Variants in MYBL2 observed in about 807,000 individuals in gnomAD.
MYBL2 encodes myb-related protein B.
A neutral mutation model predicts 79.9 loss-of-function variants in MYBL2; 28 were observed. The observed-to-expected ratio is 0.35, with a 90% CI of 0.26 to 0.48. The LOEUF (loss-of-function observed/expected upper bound fraction) is 0.48, where lower values mean the gene tolerates loss of function less well. MYBL2 is among the 20% of genes least tolerant of loss of function. The pLI, the probability that MYBL2 is intolerant of heterozygous loss-of-function variation, is 0.99. For missense variants in MYBL2, 735 were observed against 893.9 expected (o/e 0.82, Z 2.27); for synonymous variants, 378 against 361.2 (o/e 1.05, Z -0.53).
intron 1 of MYBL2, chr20:43,673,588 G>C (rs1287678989): frequency 1.6e-6 from 1 of 619,834 alleles, no homozygotes; most frequent in Non-Finnish European, 3.0e-6. Flanking sequence ...AGTGAGCTAC[G>C]ATCATGCCAC....
rs2229036 is a variant in MYBL2 at position 43,692,241 on chromosome 20, C to T, written c.585C>T (p.Asp195=). The T allele has an allele frequency of 0.047, 75,421 of 1,614,134 alleles. 1,957 individuals are homozygous for T. The highest frequency in any genetic ancestry group is 0.087 in the Middle Eastern group (527 of 6,062). ...GAGGCTTCTTGAGCGAGTCCAAAGA[C>T]TGCAAGCCCCCAGTGTACTTGCTGC... ...DTGGFLSESK[D]CKPPVYLLLE... Residue 195 remains aspartate, a synonymous_variant, in exon 6 of 14, where the codon GAC becomes GAT. Coordinates refer to ENST00000217026, the MANE Select transcript of MYBL2 (RefSeq NM_002466.4).
Position 43,687,411 on chromosome 20 carries a change from G to A in MYBL2, c.500+339G>A, listed in dbSNP as rs530412553. 2.0e-5 allele frequency among the ~76,000 whole-genome samples: 3 copies of A among 152,200 alleles called. No homozygotes were observed. The South Asian group carries it at 6.2e-4, about 32-fold the overall frequency. On this transcript the variant is annotated intron_variant, in intron 5 of 13. Transcript: ENST00000217026. ...TTCAGTTTCTTCTAACACAGAATAGGCTTGAGATGTGGGATAGATGGGCTT... is the reference window on the plus strand; with the variant it reads ...TTCAGTTTCTTCTAACACAGAATAGACTTGAGATGTGGGATAGATGGGCTT...
chr20:43,684,732 G>A (rs1987227069), intron 4 of MYBL2, among the ~76,000 whole-genome samples: 1 of 151,690 alleles, frequency 6.6e-6, no homozygotes, highest in Non-Finnish European at 1.5e-5. Context: ...CTGTAGTTGG[G>A]AGGCTGAGTT....
chr20:43,712,941 G>C, intron 11 of MYBL2, 61 bp from the exon 12 acceptor site: 2 of 1,334,060 alleles, frequency 1.5e-6, no homozygotes, highest in Middle Eastern at 2.3e-4. Flanking sequence ...TGACCATCCA[G>C]GTGCTGACCA....
chr20:43,678,821 C>A lies in MYBL2; in HGVS notation c.115-2963C>A, dbSNP rs1221673788. 3.6e-5 allele frequency among the ~76,000 whole-genome samples: 5 copies of A among 138,014 alleles called. No homozygotes were observed. The Admixed American group carries it at 4.0e-4, about 11-fold the overall frequency. 90.5% of individuals were successfully genotyped at this position (138,014 alleles called of 152,430 possible). ...GCAGTGAGCTGAGATCGCACCATTG[C>A]ACTCCAGCCTGGACAACAAGAGCAA... On this transcript the variant is annotated intron_variant, in intron 2 of 13. Coordinates refer to ENST00000217026, the MANE Select transcript of MYBL2 (RefSeq NM_002466.4).
At chr20:43,692,106 G>A (rs1385918878) in intron 5 of MYBL2, 51 bp from the exon 6 acceptor site, 1 of 1,588,368 alleles carries the variant, frequency 6.3e-7, no homozygotes, top group Admixed American at 1.7e-5. Flanking sequence ...GTGCCTGATG[G>A]CACCCCACCC....
At chr20:43,675,227 A>G (rs1445846750) in intron 2 of MYBL2, among the ~76,000 whole-genome samples, 1 of 151,036 alleles carries the variant, frequency 6.6e-6, no homozygotes, top group African/African-American at 2.4e-5. Context: ...CATTTCTCCC[A>G]CCTCAGCCTT....
intron 6 of MYBL2, among the ~76,000 whole-genome samples, chr20:43,692,686 C>T (rs1987441658): frequency 6.6e-6 from 1 of 152,088 alleles, no homozygotes; most frequent in Non-Finnish European, 1.5e-5. Context: ...GTAATCCCAG[C>T]AAGTTGAGAG....
intron 9 of MYBL2, 102 bp downstream of exon 9, chr20:43,705,460 TG>T: frequency 7.4e-7 from 1 of 1,342,698 alleles, no homozygotes. Flanking sequence ...GGGGCACCCT[TG>T]GAATAACACT....
chr20:43,680,739 C>A (rs574272948), intron 2 of MYBL2, among the ~76,000 whole-genome samples: 6 of 152,078 alleles, frequency 3.9e-5, no homozygotes. Flanking sequence ...GTGATCTGCC[C>A]ACCACGGCCT....
At chr20:43,695,171 A>C (rs1262487381) in intron 6 of MYBL2, among the ~76,000 whole-genome samples, 1 of 151,788 alleles carries the variant, frequency 6.6e-6, no homozygotes, top group Non-Finnish European at 1.5e-5. Context: ...GTAGCTGGGA[A>C]ACTGGGATTA....
chr20:43,701,677 G>A (rs1987677288), intron 7 of MYBL2, among the ~76,000 whole-genome samples: 2 of 152,174 alleles, frequency 1.3e-5, no homozygotes, highest in East Asian at 1.9e-4. Context: ...CCCCAAGGAG[G>A]CATCAATGAT....
Position 43,716,305 on chromosome 20 carries a change from C to A in MYBL2, c.*218C>A. Reference sequence around the variant, plus strand: ...TGGTGCTAACAACAAAGTTCCACTTCCAGGTCTGCCTGGTTCCCTCCCCAA... The same window carrying A: ...TGGTGCTAACAACAAAGTTCCACTTACAGGTCTGCCTGGTTCCCTCCCCAA... On this transcript the variant is annotated 3_prime_UTR_variant, in exon 14 of 14. Coordinates refer to ENST00000217026, the MANE Select transcript of MYBL2 (RefSeq NM_002466.4). 1.6e-6 allele frequency: 1 copy of A among 640,580 alleles called. No individual in the cohort carries two copies. The highest frequency in any genetic ancestry group is 2.5e-6 in the Non-Finnish European group (1 of 396,076). 39.7% of individuals were successfully genotyped at this position (640,580 alleles called of 1,614,324 possible).
At chr20:43,698,294 T>A (rs1987598436) in intron 6 of MYBL2, among the ~76,000 whole-genome samples, 1 of 151,126 alleles carries the variant, frequency 6.6e-6, no homozygotes, top group African/African-American at 2.4e-5. Context: ...AAGGGATCTG[T>A]CTGCCTTGGC....
intron 2 of MYBL2, among the ~76,000 whole-genome samples, chr20:43,680,607 T>TG (rs1987120916): frequency 6.6e-6 from 1 of 151,910 alleles, no homozygotes; most frequent in Non-Finnish European, 1.5e-5. Flanking sequence ...AAGCAATTCT[T>TG]CCTCATCCTC....
intron 2 of MYBL2, among the ~76,000 whole-genome samples, chr20:43,677,906 G>A (rs1396653775): frequency 6.6e-6 from 1 of 152,202 alleles, no homozygotes; most frequent in African/African-American, 2.4e-5. Context: ...GATGGTTGCC[G>A]TGTCTGTGTA....
chr20:43,685,369 C>T (rs557698449), intron 4 of MYBL2, among the ~76,000 whole-genome samples: 4 of 151,122 alleles, frequency 2.6e-5, no homozygotes, highest in South Asian at 2.1e-4. Context: ...TTAGTAGAGA[C>T]GGGGTTTTGC....
intron 9 of MYBL2, among the ~76,000 whole-genome samples, chr20:43,708,460 GTC>G (rs1987837332): frequency 6.6e-6 from 1 of 151,988 alleles, no homozygotes; most frequent in Non-Finnish European, 1.5e-5. Context: ...CCGAGACAAG[GTC>G]TCTCTTAGTC....
intron 9 of MYBL2, 36 bp downstream of exon 9, chr20:43,705,394 C>T (rs1368112233): frequency 4.5e-6 from 7 of 1,565,352 alleles, no homozygotes; most frequent in Non-Finnish European, 6.1e-6. Context: ...TCGCCGTCCT[C>T]TCCCTCAGCA....
Sources: gnomAD v4.1 joint callset for allele counts (sites outside exome capture counted in the v4.1 genomes callset) on GRCh38, gnomAD v4.1.1 for gene constraint, MANE v1.5 for transcripts, NCBI Gene and HGNC (gene_info 2026-07-23, HGNC 2026-07-21) for gene names.